LINGO2: variants seen among roughly 807,000 people sequenced by gnomAD.
LINGO2 encodes leucine rich repeat and Ig domain containing 2, also known as leucine-rich repeat and immunoglobulin-like domain-containing nogo receptor-interacting protein 2.
Under a neutral mutation model 30.6 loss-of-function variants are expected in LINGO2, and 14 were observed. The ratio of observed to expected loss-of-function variants is 0.46; its 90% CI spans 0.30 to 0.72. LINGO2 has a LOEUF of 0.72. LINGO2 is among the 30% of genes least tolerant of loss of function. The pLI is 0.07. For synonymous variants in LINGO2, 317 were observed against 288.5 expected (o/e 1.10, Z -1.00); for missense variants, 729 against 751.7 (o/e 0.97, Z 0.35).
chr9:27,983,254 A>G (rs1563880711), intron 5 of LINGO2, among the ~76,000 whole-genome samples: 2 of 151,920 alleles, frequency 1.3e-5, no homozygotes, highest in African/African-American at 2.4e-5. Flanking sequence ...ATTAGTTAAT[A>G]GTAGAGATGT....
At chr9:28,941,123 T>C in the LINGO2 span, among the ~76,000 whole-genome samples, 1 of 152,114 alleles carries the variant, frequency 6.6e-6, no homozygotes, top group Non-Finnish European at 1.5e-5. Flanking sequence ...TACTGGAGTT[T>C]TCAGCAAGGG....
intron 5 of LINGO2, among the ~76,000 whole-genome samples, chr9:28,001,397 C>A (rs1302387013): frequency 9.0e-6 from 1 of 111,426 alleles, no homozygotes. Flanking sequence ...GGGACTATCA[C>A]AAGTTATACA....
chr9:28,593,400 T>G lies in LINGO2; in HGVS notation c.-365+76800A>C, dbSNP rs542821276. On this transcript the variant is annotated intron_variant, in intron 1 of 5. Coordinates refer to ENST00000379992, the Ensembl canonical transcript of LINGO2. Reference sequence around the variant, plus strand: ...TATGTGTAGTAGATAATTTTTGACGTTCTTTCCCAGGTCATGATGAACTGT... The same window carrying G: ...TATGTGTAGTAGATAATTTTTGACGGTCTTTCCCAGGTCATGATGAACTGT... Among the ~76,000 whole-genome samples, 25 of 152,208 alleles carry G rather than the reference T, an allele frequency of 1.6e-4. No homozygotes were observed. The South Asian group carries it at 5.0e-3, about 30-fold the overall frequency.
the LINGO2 span, among the ~76,000 whole-genome samples, chr9:29,154,775 C>T: frequency 9.9e-5 from 15 of 152,270 alleles, no homozygotes; most frequent in South Asian, 3.1e-3. Context: ...ACTATAATAT[C>T]ACTAGTAGAA....
At chr9:28,435,274 T>C (rs933539278) in intron 2 of LINGO2, among the ~76,000 whole-genome samples, 34 of 152,214 alleles carry the variant, frequency 2.2e-4, no homozygotes, top group African/African-American at 8.0e-4. Flanking sequence ...TATGTCATTT[T>C]AACCATATTT....
chr9:28,925,539 C>T, the LINGO2 span, among the ~76,000 whole-genome samples: 1 of 152,190 alleles, frequency 6.6e-6, no homozygotes, highest in East Asian at 1.9e-4. Flanking sequence ...TTCATGACTT[C>T]CCTGGGGAAG....
At chr9:29,179,264 G>A in the LINGO2 span, among the ~76,000 whole-genome samples, 1 of 147,718 alleles carries the variant, frequency 6.8e-6, no homozygotes, top group Non-Finnish European at 1.5e-5. Context: ...GGCTGACAAG[G>A]TGGACTTCTG....
In LINGO2 at chr9:28,284,063, C is replaced by A. The variant is rs532492769; in HGVS notation, c.-87+11145G>T. ...ATTTTATCAAATCGTTAGCCTCTGG[C>A]ATGACTCTGCTTGGCTTTCAATCAA... On this transcript the variant is annotated intron_variant, in intron 4 of 5. Transcript: ENST00000379992. Among the ~76,000 whole-genome samples, 12 of 152,236 alleles carry A rather than the reference C, an allele frequency of 7.9e-5. No individual in the cohort carries two copies. The South Asian group carries it at 2.5e-3, about 32-fold the overall frequency.
chr9:29,019,025 G>A, the LINGO2 span, among the ~76,000 whole-genome samples: 3,472 of 152,162 alleles, frequency 0.023, 137 homozygotes, highest in African/African-American at 0.079. Flanking sequence ...ACCTATAAAC[G>A]TAACCTGAGA....
At chr9:28,211,620 T>A (rs992238956) in intron 4 of LINGO2, among the ~76,000 whole-genome samples, 4 of 151,512 alleles carry the variant, frequency 2.6e-5, no homozygotes, top group South Asian at 2.1e-4. Context: ...TTCTGCAAAC[T>A]TTTTCTTGCA....
chr9:28,609,481 A>T (rs938728484), intron 1 of LINGO2, among the ~76,000 whole-genome samples: 2 of 152,074 alleles, frequency 1.3e-5, no homozygotes, highest in African/African-American at 2.4e-5. Flanking sequence ...TGAAAGCAAA[A>T]ATACAAATAA....
At chr9:28,936,945 A>G in the LINGO2 span, among the ~76,000 whole-genome samples, 2 of 152,152 alleles carry the variant, frequency 1.3e-5, no homozygotes, top group African/African-American at 4.8e-5. Flanking sequence ...TGCTTTCTCG[A>G]TGTATCCTCA....
the LINGO2 span, among the ~76,000 whole-genome samples, chr9:29,204,889 A>T: frequency 6.6e-6 from 1 of 152,202 alleles, no homozygotes; most frequent in East Asian, 1.9e-4. Flanking sequence ...CTTAGAGAAA[A>T]AGCACTTAGT....
the LINGO2 span, among the ~76,000 whole-genome samples, chr9:29,053,071 T>G: frequency 6.6e-6 from 1 of 152,178 alleles, no homozygotes; most frequent in Non-Finnish European, 1.5e-5. Flanking sequence ...TTGTAAAATA[T>G]CCTTTCTCTT....
the LINGO2 span, among the ~76,000 whole-genome samples, chr9:28,980,671 T>C: frequency 6.6e-6 from 1 of 152,094 alleles, no homozygotes; most frequent in Non-Finnish European, 1.5e-5. Flanking sequence ...TCTCTTTAAC[T>C]ATTTGCTCAA....
intron 4 of LINGO2, among the ~76,000 whole-genome samples, chr9:28,182,051 T>C (rs1819363567): frequency 6.6e-6 from 1 of 151,988 alleles, no homozygotes; most frequent in Non-Finnish European, 1.5e-5. Context: ...TCATGCTACC[T>C]GACTTCAAAC....
the LINGO2 span, among the ~76,000 whole-genome samples, chr9:28,919,718 A>G: frequency 6.8e-6 from 1 of 146,034 alleles, no homozygotes; most frequent in Admixed American, 7.1e-5. Context: ...CCAGTGTATT[A>G]CAGTGATATA....
At chr9:28,239,490 A>G (rs1379781425) in intron 4 of LINGO2, among the ~76,000 whole-genome samples, 1 of 152,174 alleles carries the variant, frequency 6.6e-6, no homozygotes, top group Admixed American at 6.5e-5. Flanking sequence ...ACATATGCAA[A>G]TCAATCACTG....
chr9:28,422,912 A>G (rs552928631), intron 2 of LINGO2, among the ~76,000 whole-genome samples: 1 of 152,090 alleles, frequency 6.6e-6, no homozygotes, highest in Non-Finnish European at 1.5e-5. Flanking sequence ...GCTGAATAAA[A>G]TAAGCTAGTC....
Sources: allele counts gnomAD v4.1 joint callset (sites outside exome capture counted in the v4.1 genomes callset), GRCh38; gene constraint gnomAD v4.1.1; transcripts MANE v1.5; gene names NCBI Gene and HGNC (gene_info 2026-07-23, HGNC 2026-07-21).